The following ACSM3 variants were observed in gnomAD, a reference collection of about 807,000 sequenced individuals.
ACSM3 encodes acyl-coenzyme A synthetase ACSM3, mitochondrial.
In ACSM3, 61 loss-of-function variants were observed where a neutral mutation model predicts 74.1. The ratio of observed to expected loss-of-function variants is 0.82; its 90% confidence interval spans 0.67 to 1.02. The LOEUF (loss-of-function observed/expected upper bound fraction) is 1.02. Among genes scored for constraint, ACSM3 ranks in the 50% least tolerant of loss-of-function variants. The probability of loss-of-function intolerance (pLI) is 0.00; values close to 1 mark genes in which losing one functional copy is unlikely to be tolerated. For synonymous variants in ACSM3, 213 were observed against 241.5 expected, an observed-to-expected ratio of 0.88 and a Z score of 1.09; for missense variants, 660 against 697.0, an observed-to-expected ratio of 0.95 and a Z score of 0.60.
intron 7 of ACSM3, among the ~76,000 whole-genome samples, 194 bp from the exon 8 acceptor site, chr16:20,784,790 T>C (rs2080433864): frequency 6.6e-6 from 1 of 152,206 alleles, no homozygotes; most frequent in Non-Finnish European, 1.5e-5. Context: ...ATCTTTTTAA[T>C]ATCTTTATTT....
chr16:20,699,475 G>A (rs909083189), intron 1 of ACSM3, among the ~76,000 whole-genome samples: 1 of 152,112 alleles, frequency 6.6e-6, no homozygotes, highest in Non-Finnish European at 1.5e-5. Context: ...AGCTTTCTGT[G>A]GCCAGTCACT....
chr16:20,775,716 C>T, intron 2 of ACSM3, 123 bp from the exon 3 acceptor site: 2 of 930,296 alleles, frequency 2.1e-6, no homozygotes, highest in East Asian at 4.8e-5. Context: ...TCCAAATTCT[C>T]CATCCATGTT....
intron 1 of ACSM3, among the ~76,000 whole-genome samples, chr16:20,717,837 GAA>G (rs2079767876): frequency 7.0e-6 from 1 of 142,126 alleles, no homozygotes; most frequent in African/African-American, 3.0e-5. Context: ...GAAGAAGGAA[GAA>G]GAAGGAGGAG....
At position 20,780,755 on chromosome 16, in the gene ACSM3, A is replaced by G. The variant is rs2080334266; in HGVS notation, c.680A>G (p.Asn227Ser). ...CACACCTGTGTGAAGACAAAACACA[A>G]TGAGATCATGGCCATATTCTTTACC... ...DSHTCVKTKH[N>S]EIMAIFFTSG... Residue 227 changes from asparagine to serine, a missense_variant, in exon 5 of 14, where the codon AAT becomes AGT. Asn to Ser is a conservative substitution (Grantham distance 46, BLOSUM62 1). Transcript: ENST00000289416. The G allele has an allele frequency of 3.1e-6, 5 of 1,614,226 alleles. No homozygotes were observed. The East Asian group carries it at 1.1e-4, about 36-fold the overall frequency.
intron 1 of ACSM3, among the ~76,000 whole-genome samples, chr16:20,709,238 G>A (rs778057290): frequency 2.6e-5 from 4 of 152,090 alleles, no homozygotes; most frequent in African/African-American, 4.8e-5. Flanking sequence ...GGCACAGAGC[G>A]AGACACTATC....
intron 1 of ACSM3, among the ~76,000 whole-genome samples, chr16:20,685,658 AAAAATTTAAAAATTAGCTG>A (rs1222684523): frequency 6.6e-5 from 10 of 151,840 alleles, no homozygotes; most frequent in African/African-American, 2.4e-4. Flanking sequence ...TGTCTCTACT[AAAAATTTAAAAATTAGCTG>A]GGCATGGTGG....
intron 2 of ACSM3, among the ~76,000 whole-genome samples, chr16:20,753,626 A>G (rs1344597319): frequency 6.6e-6 from 1 of 152,094 alleles, no homozygotes; most frequent in African/African-American, 2.4e-5. Context: ...AATAAGGAAG[A>G]AAAAGAGAGA....
chr16:20,730,928 A>AT (rs1235382442), intron 1 of ACSM3, among the ~76,000 whole-genome samples: 2 of 152,114 alleles, frequency 1.3e-5, no homozygotes, highest in African/African-American at 2.4e-5. Context: ...TGGTGCAGTT[A>AT]TAGCTCACTG....
intron 1 of ACSM3, chr16:20,697,569 A>T (rs2079696618): frequency 9.1e-6 from 1 of 109,330 alleles, no homozygotes. Flanking sequence ...ACACACACAC[A>T]CACACACACA....
chr16:20,717,582 C>G (rs527277478), intron 1 of ACSM3, among the ~76,000 whole-genome samples: 31 of 152,278 alleles, frequency 2.0e-4, no homozygotes, highest in South Asian at 1.9e-3. Context: ...TCCATCAGGA[C>G]AGTCTAAATG....
intron 1 of ACSM3, among the ~76,000 whole-genome samples, chr16:20,742,813 A>ATATATATATATATTTT (rs61582869): frequency 6.9e-4 from 46 of 66,804 alleles, no homozygotes; most frequent in South Asian, 8.9e-4. Context: ...ATATATATAT[A>ATATATATATATATTTT]TTTTTTTTTT....
intron 1 of ACSM3, among the ~76,000 whole-genome samples, chr16:20,675,691 A>G (rs2020237064): frequency 6.6e-6 from 1 of 152,230 alleles, no homozygotes; most frequent in Non-Finnish European, 1.5e-5. Flanking sequence ...TGGCTGACCA[A>G]TGGCACTATA....
intron 1 of ACSM3, among the ~76,000 whole-genome samples, chr16:20,684,853 TTG>T (rs529798511): frequency 2.0e-5 from 3 of 151,226 alleles, no homozygotes; most frequent in African/African-American, 7.3e-5. Flanking sequence ...GTATGTGTGT[TTG>T]TGTGTGTGTG....
chr16:20,785,923 A>G (rs1482840899), intron 8 of ACSM3, among the ~76,000 whole-genome samples, 155 bp from the exon 9 acceptor site: 3 of 152,226 alleles, frequency 2.0e-5, no homozygotes, highest in Non-Finnish European at 4.4e-5. Context: ...GCATGTATTT[A>G]TATGTTATCA....
intron 1 of ACSM3, among the ~76,000 whole-genome samples, chr16:20,708,099 G>A (rs1318112198): frequency 1.3e-5 from 2 of 152,290 alleles, no homozygotes; most frequent in East Asian, 1.9e-4. Flanking sequence ...TTAGGAGTTC[G>A]AGACCAAGCT....
chr16:20,684,925 G>T (rs1693568015), intron 1 of ACSM3, among the ~76,000 whole-genome samples: 1 of 152,114 alleles, frequency 6.6e-6, no homozygotes, highest in African/African-American at 2.4e-5. Flanking sequence ...GTGTGAGGGA[G>T]AGAATAAGAG....
chr16:20,789,889 G>T (rs2080558807), intron 9 of ACSM3, among the ~76,000 whole-genome samples: 1 of 151,600 alleles, frequency 6.6e-6, no homozygotes, highest in South Asian at 2.1e-4. Context: ...GCTCAGGCTG[G>T]TCTTGAACTC....
chr16:20,684,355 G>A (rs1281019307), intron 1 of ACSM3, among the ~76,000 whole-genome samples: 1 of 152,108 alleles, frequency 6.6e-6, no homozygotes, highest in African/African-American at 2.4e-5. Flanking sequence ...TAATTACAAG[G>A]AAAAATTGTG....
chr16:20,740,654 G>A (rs1209858134), intron 1 of ACSM3, among the ~76,000 whole-genome samples: 1 of 152,162 alleles, frequency 6.6e-6, no homozygotes, highest in Non-Finnish European at 1.5e-5. Flanking sequence ...AGCTAGTAGA[G>A]GATGAGCCGT....
Sources: gnomAD v4.1 joint callset for allele counts (sites outside exome capture counted in the v4.1 genomes callset) on GRCh38, gnomAD v4.1.1 for gene constraint, MANE v1.5 for transcripts, NCBI Gene and HGNC (gene_info 2026-07-23, HGNC 2026-07-21) for gene names.